The following PRKX variants were observed in gnomAD, a reference collection of about 807,000 sequenced individuals.
PRKX encodes the protein cAMP-dependent protein kinase catalytic subunit PRKX.
PRKX carries 12 observed loss-of-function variants against 22.0 expected under a neutral mutation model. The observed-to-expected ratio is 0.54, with a 90% confidence interval of 0.35 to 0.88. The LOEUF is 0.88. Among genes scored for constraint, PRKX ranks in the 40% least tolerant of loss-of-function variants. The pLI, the probability that PRKX is intolerant of heterozygous loss-of-function variation, is 0.01. For synonymous variants in PRKX, 134 were observed against 137.7 expected (o/e 0.97, Z 0.19); for missense variants, 217 against 308.0 (o/e 0.70, Z 2.21).
intron 1 of PRKX, among the ~76,000 whole-genome samples, chrX:3,694,397 T>A (rs1928402906): frequency 9.2e-6 from 1 of 108,338 alleles, no homozygotes; most frequent in African/African-American, 3.4e-5. Context: ...CCAAAAAAAA[T>A]AAAAAATAAA....
chrX:3,695,678 G>A (rs1395525297), intron 1 of PRKX, among the ~76,000 whole-genome samples: 1 of 111,642 alleles, frequency 9.0e-6, no homozygotes, highest in African/African-American at 3.3e-5. Flanking sequence ...CCCAAAGTTT[G>A]AGTCACAGCG....
At chrX:3,625,302 C>T (rs1258376671) in intron 5 of PRKX, among the ~76,000 whole-genome samples, 4 of 111,301 alleles carry the variant, frequency 3.6e-5, no homozygotes, top group Non-Finnish European at 7.5e-5. Flanking sequence ...TAGCCAGTGG[C>T]CCCATAAGGG....
rs1166564568 is a variant in PRKX at position 3,674,653 on chromosome X, C to T, written c.280G>A (p.Val94Ile). 5 of 1,211,712 alleles carry T rather than the reference C, an allele frequency of 4.1e-6. No individual in the cohort carries two copies. The highest frequency in any genetic ancestry group is 1.8e-5 in the South Asian group (1 of 56,988). ...TTCAGGACAGACTTCTCATTGTGTA[C>T]GTGTTGCTCCTGCTTTAGGCGGATG... ...DVIRLKQEQHVHNEKSVLKEV... is the reference protein window; with the variant it reads ...DVIRLKQEQHIHNEKSVLKEV... The change falls in exon 2 of 9, where the codon GTA becomes ATA. Residue 94 changes from valine to isoleucine, a missense_variant. Physicochemically the swap from Val to Ile is conservative, Grantham distance 29. Transcript: ENST00000262848.
intron 1 of PRKX, among the ~76,000 whole-genome samples, chrX:3,709,183 C>CAAAAAAAAA (rs35004174): frequency 4.0e-4 from 19 of 47,618 alleles, no homozygotes; most frequent in African/African-American, 1.4e-3. Context: ...GACCCTGTCT[C>CAAAAAAAAA]AAAAAAAAAA....
intron 4 of PRKX, among the ~76,000 whole-genome samples, chrX:3,630,745 G>A (rs1273040199): frequency 3.6e-5 from 4 of 111,079 alleles, no homozygotes; most frequent in Non-Finnish European, 7.5e-5. Flanking sequence ...GATCTCCTGA[G>A]AACTCTATCA....
chrX:3,634,111 A>G (rs1373954624), intron 4 of PRKX, among the ~76,000 whole-genome samples: 1 of 108,675 alleles, frequency 9.2e-6, no homozygotes, highest in Non-Finnish European at 1.9e-5. Context: ...TTAGCCAGGC[A>G]CGGTGGCACG....
chrX:3,672,643 T>G (rs1927870432), intron 2 of PRKX, among the ~76,000 whole-genome samples: 1 of 109,487 alleles, frequency 9.1e-6, no homozygotes, highest in African/African-American at 3.3e-5. Flanking sequence ...GCGCAGGGGG[T>G]GTGTGTGAGT....
At chrX:3,613,786 T>C (rs780656704) in intron 7 of PRKX, among the ~76,000 whole-genome samples, 14 of 96,243 alleles carry the variant, frequency 1.5e-4, no homozygotes, top group African/African-American at 5.1e-4. Context: ...GAGGTGGAGG[T>C]TGCAGTGAGT....
intron 2 of PRKX, among the ~76,000 whole-genome samples, chrX:3,660,092 T>C (rs1443463253): frequency 8.9e-6 from 1 of 112,267 alleles, no homozygotes; most frequent in Non-Finnish European, 1.9e-5. Context: ...GCACATGGCA[T>C]CTCAAATGCA....
chrX:3,654,890 A>G (rs776079680), intron 3 of PRKX, among the ~76,000 whole-genome samples: 2 of 110,992 alleles, frequency 1.8e-5, no homozygotes, highest in Admixed American at 1.9e-4. Flanking sequence ...TCAATAGCGG[A>G]TATGTGGTGT....
At chrX:3,625,166 C>T (rs964878480) in intron 5 of PRKX, among the ~76,000 whole-genome samples, 2 of 111,442 alleles carry the variant, frequency 1.8e-5, no homozygotes, top group African/African-American at 6.5e-5. Flanking sequence ...TCTTTTAAAG[C>T]CTGCCTCTTA....
rs765714555 is a variant in PRKX, at chrX:3,612,253, C to T, written c.1024G>A (p.Asp342Asn). The change falls in exon 8 of 9, where the codon GAC becomes AAC. Residue 342 changes from aspartate (D) to asparagine (N), a missense_variant. Transcript: ENST00000262848. ...NFETYPENDW[D>N]TAAPVPQKDL... ...TTCTGCGGCACGGGCGCGGCTGTGTCCCAGTCATTCTCAGGGTAAGTTTCG... is the reference window on the plus strand; with the variant it reads ...TTCTGCGGCACGGGCGCGGCTGTGTTCCAGTCATTCTCAGGGTAAGTTTCG... The T allele has an allele frequency of 8.3e-6, 10 of 1,208,449 alleles. No homozygotes were observed. The highest frequency in any genetic ancestry group is 1.1e-5 in the Non-Finnish European group (10 of 894,834).
intron 1 of PRKX, among the ~76,000 whole-genome samples, chrX:3,689,516 A>C (rs1270503270): frequency 9.0e-6 from 1 of 111,502 alleles, no homozygotes; most frequent in Non-Finnish European, 1.9e-5. Context: ...CGTCTCTATT[A>C]AAAGATCAAA....
chrX:3,707,327 G>A (rs1487671610), intron 1 of PRKX, among the ~76,000 whole-genome samples: 1 of 110,993 alleles, frequency 9.0e-6, no homozygotes, highest in African/African-American at 3.3e-5. Flanking sequence ...CTCTGCCTGC[G>A]ACTCTCCCAG....
Position 3,682,534 on chromosome X carries a change from T to A in PRKX, c.167-7768A>T, listed in dbSNP as rs759921232. Among the ~76,000 whole-genome samples the A allele has an allele frequency of 9.4e-4, 104 of 110,865 alleles. 1 individual carries two copies. Among genetic ancestry groups the A allele is most frequent in the African/African-American group, 3.3e-3 (100 of 30,474 alleles). On this transcript the variant is annotated intron_variant, in intron 1 of 8. Transcript: ENST00000262848. ...CAGCAAGACCTCAGCTCCACTTTTT[T>A]AAAAAATGAAATAAAAAAAAAGGTA...
chrX:3,679,458 T>C (rs1299558153), intron 1 of PRKX, among the ~76,000 whole-genome samples: 2 of 112,606 alleles, frequency 1.8e-5, no homozygotes, highest in Admixed American at 1.9e-4. Flanking sequence ...AAAGCTTAAG[T>C]ATGGGTTCTA....
At chrX:3,689,781 T>C (rs1009252111) in intron 1 of PRKX, among the ~76,000 whole-genome samples, 1 of 111,581 alleles carries the variant, frequency 9.0e-6, no homozygotes. Flanking sequence ...ATCGAGACCA[T>C]CCTGGCTAAC....
intron 4 of PRKX, among the ~76,000 whole-genome samples, chrX:3,640,197 AAG>A (rs1484990933): frequency 9.2e-6 from 1 of 108,928 alleles, no homozygotes; most frequent in African/African-American, 3.4e-5. Flanking sequence ...GAAACAGGAA[AAG>A]AGAGAACCTA....
intron 1 of PRKX, among the ~76,000 whole-genome samples, chrX:3,675,772 C>T (rs113784724): frequency 7.2e-5 from 8 of 111,423 alleles, no homozygotes; most frequent in African/African-American, 2.0e-4. Flanking sequence ...CACGTGTTCA[C>T]GCACATATTG....
Sources: allele counts gnomAD v4.1 joint callset (sites outside exome capture counted in the v4.1 genomes callset), GRCh38; gene constraint gnomAD v4.1.1; transcripts MANE v1.5; gene names NCBI Gene and HGNC (gene_info 2026-07-23, HGNC 2026-07-21).